Variants in SHISA9 observed in about 807,000 individuals in gnomAD.
SHISA9 encodes the protein protein shisa-9.
A neutral mutation model predicts 38.0 loss-of-function variants in SHISA9; 13 were observed. The ratio of observed to expected loss-of-function variants is 0.34; its 90% CI spans 0.22 to 0.54. The LOEUF is 0.54. Among genes scored for constraint, SHISA9 ranks in the 20% least tolerant of loss-of-function variants. SHISA9 has a pLI of 0.91. For synonymous variants in SHISA9, 275 were observed against 242.0 expected, an observed-to-expected ratio of 1.14 and a Z score of -1.27; for missense variants, 538 against 575.8, an observed-to-expected ratio of 0.93 and a Z score of 0.67.
the SHISA9 span, among the ~76,000 whole-genome samples, chr16:13,400,475 C>T: frequency 6.6e-6 from 1 of 152,076 alleles, no homozygotes; most frequent in Admixed American, 6.6e-5. Flanking sequence ...AAGGCCAAAT[C>T]GTCTTACCAT....
chr16:13,001,263 G>A (rs542516203), intron 2 of SHISA9, among the ~76,000 whole-genome samples: 1 of 152,260 alleles, frequency 6.6e-6, no homozygotes, highest in East Asian at 1.9e-4. Context: ...TTTCTTGTTG[G>A]CTTGTGGCAC....
At chr16:13,260,176 C>G in the SHISA9 span, among the ~76,000 whole-genome samples, 479 of 151,614 alleles carry the variant, frequency 3.2e-3, 2 homozygotes, top group African/African-American at 0.011. Flanking sequence ...ACCACCATGC[C>G]CAGCTGATTT....
At position 13,046,473 on chromosome 16, in the gene SHISA9, T is replaced by C. The variant is rs181702943; in HGVS notation, c.691+129658T>C. The stretch of plus-strand genomic sequence containing the variant: ...TTATGGCTTTGTAGCATTAGTCCTC[T>C]TTTCTCATCTTCCAGAAAATGGGGC... On this transcript the variant is annotated intron_variant, in intron 2 of 4. Coordinates refer to ENST00000558583, the MANE Select transcript of SHISA9 (RefSeq NM_001145204.3). Among the ~76,000 whole-genome samples, 326 of 152,292 alleles carry C rather than the reference T, an allele frequency of 2.1e-3. 1 individual carries two copies. The highest frequency in any genetic ancestry group is 7.6e-3 in the African/African-American group (315 of 41,568).
chr16:13,055,296 A>G (rs962774157), intron 2 of SHISA9, among the ~76,000 whole-genome samples: 4 of 152,208 alleles, frequency 2.6e-5, no homozygotes, highest in African/African-American at 4.8e-5. Flanking sequence ...GAACTCAGAC[A>G]TCTTTGCTTC....
rs989775663 is a variant in SHISA9 at position 12,996,717 on chromosome 16, T to C, written c.691+79902T>C. ...GGGTCCCATAGAGTTGAAGGGGAGA[T>C]CTTGAGGGTAGAGCCTCCAAGGGGC... On this transcript the variant is annotated intron_variant, in intron 2 of 4. Coordinates refer to ENST00000558583, the MANE Select transcript of SHISA9 (RefSeq NM_001145204.3). Among the ~76,000 whole-genome samples the C allele has an allele frequency of 3.9e-5, 6 of 152,110 alleles. No homozygotes were observed. The South Asian group carries it at 1.2e-3, about 32-fold the overall frequency.
chr16:13,334,426 C>T, the SHISA9 span, among the ~76,000 whole-genome samples: 1 of 152,138 alleles, frequency 6.6e-6, no homozygotes, highest in African/African-American at 2.4e-5. Context: ...TACTCTTCTC[C>T]TCTGTAGAAT....
chr16:13,044,562 T>A (rs902943153), intron 2 of SHISA9, among the ~76,000 whole-genome samples: 3 of 152,196 alleles, frequency 2.0e-5, no homozygotes, highest in African/African-American at 7.2e-5. Flanking sequence ...GTGGTTACCA[T>A]GCAAAAAGAA....
At chr16:13,380,879 T>A in the SHISA9 span, among the ~76,000 whole-genome samples, 25 of 147,452 alleles carry the variant, frequency 1.7e-4, no homozygotes, top group African/African-American at 5.7e-4. Context: ...TGTCCATGTG[T>A]TCTCATTGTT....
intron 2 of SHISA9, among the ~76,000 whole-genome samples, chr16:13,026,336 T>TA (rs2072921823): frequency 1.3e-5 from 2 of 152,264 alleles, no homozygotes; most frequent in Admixed American, 6.5e-5. Flanking sequence ...TTTGTCCCTT[T>TA]GTGACTGATT....
At chr16:12,933,760 A>G (rs1256453166) in intron 2 of SHISA9, among the ~76,000 whole-genome samples, 2 of 152,208 alleles carry the variant, frequency 1.3e-5, no homozygotes, top group African/African-American at 4.8e-5. Flanking sequence ...GTACACATTC[A>G]TTCAACAAAT....
chr16:13,050,460 T>A (rs568836977), intron 2 of SHISA9, among the ~76,000 whole-genome samples: 2 of 152,234 alleles, frequency 1.3e-5, no homozygotes, highest in Non-Finnish European at 2.9e-5. Context: ...GCCCGTCAAG[T>A]GGCTGGGACT....
chr16:13,177,496 GAAT>G, intron 2 of SHISA9, among the ~76,000 whole-genome samples: 1 of 152,234 alleles, frequency 6.6e-6, no homozygotes, highest in Admixed American at 6.5e-5. Context: ...CACCTCATGT[GAAT>G]TAGGCAAGAC....
intron 2 of SHISA9, among the ~76,000 whole-genome samples, chr16:12,994,683 GTTGT>G (rs1302776704): frequency 1.3e-5 from 2 of 152,178 alleles, no homozygotes; most frequent in Non-Finnish European, 2.9e-5. Flanking sequence ...AGATTTCAGG[GTTGT>G]TTGTTACTGC....
intron 2 of SHISA9, among the ~76,000 whole-genome samples, chr16:12,959,528 A>G (rs143528946): frequency 5.9e-5 from 9 of 152,294 alleles, no homozygotes; most frequent in African/African-American, 2.2e-4. Context: ...CAGCTGGAGA[A>G]AAAACAGAGC....
the SHISA9 span, among the ~76,000 whole-genome samples, chr16:13,499,293 G>A: frequency 3.8e-3 from 573 of 152,290 alleles, 3 homozygotes; most frequent in African/African-American, 0.013. Flanking sequence ...GGAAAATGAC[G>A]TAGTTTTGGC....
chr16:13,557,587 C>G, the SHISA9 span, among the ~76,000 whole-genome samples: 1 of 152,124 alleles, frequency 6.6e-6, no homozygotes, highest in Non-Finnish European at 1.5e-5. Context: ...GGAGCAGAAT[C>G]TCAGGTTATT....
intron 2 of SHISA9, among the ~76,000 whole-genome samples, chr16:13,199,105 T>G (rs903248008): frequency 1.3e-5 from 2 of 152,214 alleles, no homozygotes; most frequent in Non-Finnish European, 1.5e-5. Flanking sequence ...GTGTTTAGTA[T>G]TTTCTCTGGC....
intron 2 of SHISA9, among the ~76,000 whole-genome samples, chr16:13,136,863 G>T (rs1362845123): frequency 6.6e-6 from 1 of 152,082 alleles, no homozygotes; most frequent in Non-Finnish European, 1.5e-5. Context: ...TTGAAAGATG[G>T]GTTAAAAGAT....
chr16:13,117,293 A>G (rs539264702), intron 2 of SHISA9, among the ~76,000 whole-genome samples: 1 of 152,084 alleles, frequency 6.6e-6, no homozygotes, highest in Non-Finnish European at 1.5e-5. Context: ...TAGTTTTTCA[A>G]CACTCTCAGC....
Sources: allele counts gnomAD v4.1 joint callset (sites outside exome capture counted in the v4.1 genomes callset), GRCh38; gene constraint gnomAD v4.1.1; transcripts MANE v1.5; gene names NCBI Gene and HGNC (gene_info 2026-07-23, HGNC 2026-07-21).